PGM2: variants seen among roughly 807,000 people sequenced by gnomAD.
PGM2 encodes phosphoglucomutase 2.
Under a neutral mutation model 74.6 loss-of-function variants are expected in PGM2, and 57 were observed. The ratio of observed to expected loss-of-function variants is 0.76; its 90% CI spans 0.62 to 0.95. PGM2 has a LOEUF of 0.95. Among genes scored for constraint, PGM2 ranks in the 40% least tolerant of loss-of-function variants. PGM2 has a pLI of 0.00. For missense variants in PGM2, 706 were observed against 741.9 expected, an observed-to-expected ratio of 0.95 and a Z score of 0.56; for synonymous variants, 273 against 260.7, an observed-to-expected ratio of 1.05 and a Z score of -0.46.
rs1047511596 is a variant in PGM2 at position 37,862,459 on chromosome 4, G to A, written c.*847G>A. On this transcript the variant is annotated 3_prime_UTR_variant, in exon 14 of 14. Transcript: ENST00000381967. Reference sequence around the variant, plus strand: ...ACCCTCGTTTTTTTCTCTTGTTCTTGTGTGGTCTGAAATCTAAAACTAGAC... The same window carrying A: ...ACCCTCGTTTTTTTCTCTTGTTCTTATGTGGTCTGAAATCTAAAACTAGAC... The A allele has an allele frequency of 2.0e-5, 3 of 152,124 alleles. No individual in the cohort carries two copies. Among genetic ancestry groups the A allele is most frequent in the Middle Eastern group, 3.4e-3 (1 of 294 alleles). The allele number at this position is 152,124 out of a possible 1,614,324, so 9.4% of individuals were successfully genotyped here. A position where few individuals can be genotyped will look rare whatever the true frequency, so the allele number is the denominator to read the frequency against.
intron 11 of PGM2, 81 bp downstream of exon 11, chr4:37,848,732 C>G (rs1329376513): frequency 7.7e-6 from 8 of 1,032,904 alleles, no homozygotes; most frequent in Non-Finnish European, 1.2e-5. Context: ...ATACTAATAT[C>G]CTTTCTAATG....
At chr4:37,836,997 G>A (rs1376999428) in intron 3 of PGM2, among the ~76,000 whole-genome samples, 4 of 152,138 alleles carry the variant, frequency 2.6e-5, no homozygotes, top group Non-Finnish European at 5.9e-5. Flanking sequence ...GGGATTTTCA[G>A]CCTCTGCACT....
chr4:37,831,395 C>A (rs959184425), intron 2 of PGM2, among the ~76,000 whole-genome samples: 9 of 152,118 alleles, frequency 5.9e-5, no homozygotes, highest in African/African-American at 2.2e-4. Flanking sequence ...TGTAACAAAT[C>A]ATTGAAAACA....
chr4:37,858,145 T>C (rs1453059503), intron 13 of PGM2, among the ~76,000 whole-genome samples: 1 of 152,162 alleles, frequency 6.6e-6, no homozygotes, highest in Admixed American at 6.6e-5. Flanking sequence ...TTGAGTGGAC[T>C]TAAATTCAAA....
chr4:37,840,960 G>GTATATATATA (rs67564871), intron 6 of PGM2, among the ~76,000 whole-genome samples: 9 of 139,232 alleles, frequency 6.5e-5, no homozygotes, highest in Non-Finnish European at 9.4e-5. Flanking sequence ...GTGTGTGTGT[G>GTATATATATA]TGTGTATATA....
chr4:37,826,756 T>G lies in PGM2; in HGVS notation c.24T>G (p.Gly8=). ...CGATGGCGGCTCCAGAAGGCAGCGG[T>G]CTAGGCGAGGACGCCCGGCTGGACC... MAAPEGS[G]LGEDARLDQE... Residue 8 remains glycine (G), a synonymous_variant, in exon 1 of 14, where the codon GGT becomes GGG. Coordinates refer to ENST00000381967, the MANE Select transcript of PGM2 (RefSeq NM_018290.4). The G allele has an allele frequency of 1.3e-6, 2 of 1,549,964 alleles. No individual in the cohort carries two copies. Among genetic ancestry groups the G allele is most frequent in the Admixed American group, 2.0e-5 (1 of 50,996 alleles).
rs1356672694 is a variant in PGM2 at position 37,847,054 on chromosome 4, C to T, written c.1131C>T (p.Ser377=). 6.2e-7 allele frequency: 1 copy of T among 1,613,806 alleles called. No individual in the cohort carries two copies. The highest frequency in any genetic ancestry group is 2.2e-5 in the East Asian group (1 of 44,886). The part of the protein sequence containing the change: ...SALKDTYMLS[S]TVSSKILRAI... Reference sequence around the variant, plus strand: ...TCAAAGACACGTACATGTTGTCCAGCACCGTCTCCTCCAAAATCTTGCGGG... The same window carrying T: ...TCAAAGACACGTACATGTTGTCCAGTACCGTCTCCTCCAAAATCTTGCGGG... The change falls in exon 9 of 14, where the codon AGC becomes AGT. Residue 377 remains serine (S), a synonymous_variant. Coordinates refer to ENST00000381967, the MANE Select transcript of PGM2 (RefSeq NM_018290.4).
chr4:37,840,844 G>A (rs890867909), intron 6 of PGM2, among the ~76,000 whole-genome samples: 4 of 152,010 alleles, frequency 2.6e-5, no homozygotes, highest in Non-Finnish European at 2.9e-5. Context: ...AAATGTCGGC[G>A]AAGGAGTGCA....
At chr4:37,829,894 T>A (rs1406213259) in intron 1 of PGM2, 70 bp from the exon 2 acceptor site, 1 of 767,300 alleles carries the variant, frequency 1.3e-6, no homozygotes, top group Non-Finnish European at 2.0e-6. Context: ...TTAGAATGAT[T>A]GTGAATTTTT....
At chr4:37,842,773 G>C (rs6852507) in intron 6 of PGM2, among the ~76,000 whole-genome samples, 12,474 of 151,912 alleles carry the variant, frequency 0.082, 981 homozygotes, top group East Asian at 0.18. Context: ...GAATGCTCCT[G>C]CCTCAGCCCT....
In PGM2 at chr4:37,830,055, G is replaced by A. The variant is rs528425036; in HGVS notation, c.173G>A (p.Gly58Glu). The A allele has an allele frequency of 1.2e-6, 2 of 1,607,782 alleles. No individual in the cohort carries two copies. The highest frequency in any genetic ancestry group is 1.7e-5 in the Admixed American group (1 of 58,810). The change falls in exon 2 of 14, where the codon GGG becomes GAG. Residue 58 changes from glycine to glutamate, a missense_variant. Physicochemically the swap from Gly to Glu is moderately conservative, Grantham distance 98. This residue lies in a region of PGM2 where 332 missense variants were observed against 334.9 expected (regional missense o/e 0.99). Transcript: ENST00000381967. ...TGTTTTGGGGCCCGAATGGAGTTTG[G>A]GACAGCTGGCCTCCGAGCTGCTATG... ...RKCFGARMEFGTAGLRAAMGP... is the reference protein window; with the variant it reads ...RKCFGARMEFETAGLRAAMGP...
intron 12 of PGM2, among the ~76,000 whole-genome samples, chr4:37,853,843 A>G (rs1726115434): frequency 1.3e-5 from 2 of 152,166 alleles, no homozygotes; most frequent in Admixed American, 1.3e-4. Flanking sequence ...TTTCTGATTT[A>G]ATCTCCAGAG....
At chr4:37,835,424 C>A (rs376534623) in intron 3 of PGM2, among the ~76,000 whole-genome samples, 1 of 152,174 alleles carries the variant, frequency 6.6e-6, no homozygotes, top group African/African-American at 2.4e-5. Context: ...AGAGAAACAT[C>A]CATCGACAAT....
intron 13 of PGM2, among the ~76,000 whole-genome samples, chr4:37,860,515 T>C (rs745894396): frequency 4.6e-5 from 7 of 152,224 alleles, no homozygotes; most frequent in Non-Finnish European, 8.8e-5. Flanking sequence ...ACAGAGCTAG[T>C]AAGTATAGAG....
At chr4:37,834,436 G>T (rs1725512368) in intron 2 of PGM2, among the ~76,000 whole-genome samples, 182 bp from the exon 3 acceptor site, 1 of 152,020 alleles carries the variant, frequency 6.6e-6, no homozygotes, top group African/African-American at 2.4e-5. Flanking sequence ...CAAAAACATA[G>T]ATAATAAACA....
At chr4:37,841,158 T>TGTGTGTG in intron 6 of PGM2, among the ~76,000 whole-genome samples, 3 of 101,456 alleles carry the variant, frequency 3.0e-5, no homozygotes, top group Non-Finnish European at 5.5e-5. Flanking sequence ...ATAGGAATAT[T>TGTGTGTG]TGTGTGTGTG....
intron 12 of PGM2, among the ~76,000 whole-genome samples, chr4:37,851,551 T>A (rs6820161): frequency 0.53 from 80,862 of 151,990 alleles, 22,183 homozygotes; most frequent in Non-Finnish European, 0.61. Flanking sequence ...TTTGATATTT[T>A]CTTTGTTCTA....
intron 5 of PGM2, 57 bp from the exon 6 acceptor site, chr4:37,840,009 T>C: frequency 1.3e-6 from 2 of 1,530,250 alleles, no homozygotes; most frequent in Non-Finnish European, 9.0e-7. Flanking sequence ...CCATAGGTAA[T>C]AGGTGCCTTA....
chr4:37,846,161 G>C (rs563090530), intron 8 of PGM2, among the ~76,000 whole-genome samples: 1 of 152,268 alleles, frequency 6.6e-6, no homozygotes, highest in Non-Finnish European at 1.5e-5. Flanking sequence ...AGGAATTCCT[G>C]TGGGGTATCG....
Sources: allele counts gnomAD v4.1 joint callset (sites outside exome capture counted in the v4.1 genomes callset), GRCh38; gene constraint gnomAD v4.1.1; regional missense constraint gnomAD v4.1.1; transcripts MANE v1.5; gene names NCBI Gene and HGNC (gene_info 2026-07-23, HGNC 2026-07-21).